ROBO2: variants seen among roughly 807,000 people sequenced by gnomAD.
ROBO2 encodes roundabout guidance receptor 2.
In ROBO2, 53 loss-of-function variants were observed where a neutral mutation model predicts 160.8. The ratio of observed to expected loss-of-function variants is 0.33; its 90% confidence interval spans 0.26 to 0.41. The LOEUF (loss-of-function observed/expected upper bound fraction) is 0.41. Among genes scored for constraint, ROBO2 ranks in the 10% least tolerant of loss-of-function variants. The pLI, the probability that ROBO2 is intolerant of heterozygous loss-of-function variation, is 1.00. For synonymous variants in ROBO2, 664 were observed against 611.7 expected (o/e 1.09, Z -1.26); for missense variants, 1,577 against 1,722.4 (o/e 0.92, Z 1.49).
At chr3:76,564,146 C>T (rs1022136479) in intron 2 of ROBO2, among the ~76,000 whole-genome samples, 2 of 152,198 alleles carry the variant, frequency 1.3e-5, no homozygotes, top group African/African-American at 4.8e-5. Context: ...GCGGAAGTTG[C>T]AGTAAGCCGA....
At chr3:76,930,067 G>C (rs1163222439) in intron 2 of ROBO2, among the ~76,000 whole-genome samples, 2 of 151,724 alleles carry the variant, frequency 1.3e-5, no homozygotes. Context: ...TCTGTCACCC[G>C]GGCTGGAGTG....
intron 2 of ROBO2, among the ~76,000 whole-genome samples, chr3:75,999,973 A>G (rs1298036946): frequency 6.6e-6 from 1 of 152,196 alleles, no homozygotes. Context: ...ATTCTTTAAT[A>G]AAAGAAATAT....
chr3:77,068,929 G>T (rs2149820202), intron 1 of ROBO2, among the ~76,000 whole-genome samples: 1 of 152,196 alleles, frequency 6.6e-6, no homozygotes, highest in Non-Finnish European at 1.5e-5. Context: ...ATCAGGAGTA[G>T]AATGCTATTT....
intron 2 of ROBO2, among the ~76,000 whole-genome samples, chr3:76,676,990 C>T (rs1415859948): frequency 6.6e-6 from 1 of 152,104 alleles, no homozygotes; most frequent in Non-Finnish European, 1.5e-5. Context: ...TTTAATAAAA[C>T]TCTAATGTTC....
chr3:77,292,674 C>T (rs1397935234), intron 2 of ROBO2, among the ~76,000 whole-genome samples: 16 of 144,462 alleles, frequency 1.1e-4, no homozygotes, highest in South Asian at 6.7e-4. Context: ...GTAAAATTGA[C>T]GGTTAAACGG....
intron 2 of ROBO2, among the ~76,000 whole-genome samples, chr3:77,447,752 A>T (rs1320370472): frequency 6.6e-6 from 1 of 152,162 alleles, no homozygotes; most frequent in Non-Finnish European, 1.5e-5. Flanking sequence ...CTAATTAAAA[A>T]GTTCTAGTGC....
intron 2 of ROBO2, among the ~76,000 whole-genome samples, chr3:75,940,029 T>C (rs1000758004): frequency 2.1e-4 from 32 of 152,170 alleles, no homozygotes; most frequent in Non-Finnish European, 3.8e-4. Flanking sequence ...GCAAATGTTA[T>C]AAGATTATTT....
chr3:77,044,637 G>T (rs1340282903), intron 1 of ROBO2, among the ~76,000 whole-genome samples: 1 of 151,946 alleles, frequency 6.6e-6, no homozygotes, highest in East Asian at 1.9e-4. Flanking sequence ...TGATAATTTA[G>T]AAAATCTGCA....
In ROBO2 at chr3:77,217,964, A is replaced by G. The variant is rs575631943; in HGVS notation, c.388+119624A>G. On this transcript the variant is annotated intron_variant, in intron 2 of 25. Coordinates refer to ENST00000461745, the Ensembl canonical transcript of ROBO2. The stretch of plus-strand genomic sequence containing the variant: ...ATCTCATTATTTTGAAATTATTTAT[A>G]TGTTTCCCAGTTTGGATACATTGTC... Among the ~76,000 whole-genome samples the G allele has an allele frequency of 5.9e-5, 9 of 152,350 alleles. No individual in the cohort carries two copies. In the South Asian group the frequency reaches 1.7e-3, roughly 28 times the overall value.
intron 2 of ROBO2, among the ~76,000 whole-genome samples, chr3:76,690,235 G>A (rs1231324662): frequency 6.6e-6 from 1 of 152,228 alleles, no homozygotes; most frequent in Non-Finnish European, 1.5e-5. Context: ...TGGAGTATCT[G>A]TGGAGCCATA....
intron 2 of ROBO2, among the ~76,000 whole-genome samples, chr3:77,351,099 C>T (rs1271194795): frequency 2.0e-5 from 3 of 152,086 alleles, no homozygotes; most frequent in Non-Finnish European, 4.4e-5. Context: ...AGCTTCCTTC[C>T]TTCCTATTTG....
chr3:76,971,161 A>G (rs1284534761), intron 2 of ROBO2, among the ~76,000 whole-genome samples: 1 of 152,196 alleles, frequency 6.6e-6, no homozygotes, highest in Admixed American at 6.5e-5. Flanking sequence ...CATTTGAGAA[A>G]TATGTTATAA....
intron 2 of ROBO2, among the ~76,000 whole-genome samples, chr3:76,807,758 T>A (rs1479238698): frequency 6.6e-6 from 1 of 152,084 alleles, no homozygotes; most frequent in East Asian, 1.9e-4. Context: ...TGAAAGGGCA[T>A]CAGTTATATG....
chr3:77,548,772 T>C (rs2092799728), intron 7 of ROBO2, among the ~76,000 whole-genome samples: 1 of 150,432 alleles, frequency 6.6e-6, no homozygotes, highest in South Asian at 2.1e-4. Context: ...GAGGTAGAGA[T>C]AGAGAGGGAT....
At chr3:76,005,405 G>A (rs914911154) in intron 2 of ROBO2, among the ~76,000 whole-genome samples, 15 of 152,146 alleles carry the variant, frequency 9.9e-5, no homozygotes, top group African/African-American at 3.6e-4. Context: ...AGTAGGAACT[G>A]AAGATTCCTA....
rs34156915 is a variant in ROBO2 at position 76,304,739 on chromosome 3, T to TTCCTTCC, written c.109+367138_109+367139insCCTTCCT. Among the ~76,000 whole-genome samples, 720 of 83,246 alleles carry TTCCTTCC rather than the reference T, an allele frequency of 8.6e-3. 5 individuals are homozygous for TTCCTTCC. The highest frequency in any genetic ancestry group is 0.013 in the Non-Finnish European group (499 of 37,542). The allele number at this position is 83,246 out of a possible 152,430, so 54.6% of individuals were successfully genotyped here. A position where few individuals can be genotyped will look rare whatever the true frequency, so the allele number is the denominator to read the frequency against. ...CTCTTTCTTTCTTTCTTTCTTTTCT[T>TTCCTTCC]TTCTTTCCTTCTTTCTTTCTTTCTT... On this transcript the variant is annotated intron_variant, in intron 2 of 26. Coordinates refer to the ROBO2 transcript ENST00000487694.
chr3:76,387,578 C>T (rs2076953304), intron 2 of ROBO2, among the ~76,000 whole-genome samples: 1 of 152,098 alleles, frequency 6.6e-6, no homozygotes, highest in South Asian at 2.1e-4. Flanking sequence ...AGATATGGCA[C>T]TAATTAATTA....
At chr3:77,370,548 T>C (rs745999386) in intron 2 of ROBO2, among the ~76,000 whole-genome samples, 13 of 152,208 alleles carry the variant, frequency 8.5e-5, no homozygotes, top group Non-Finnish European at 1.8e-4. Context: ...GGTTATCCAG[T>C]GGGCTGATTC....
intron 2 of ROBO2, among the ~76,000 whole-genome samples, chr3:76,390,754 A>C (rs9838268): frequency 0.062 from 9,497 of 152,148 alleles, 842 homozygotes; most frequent in African/African-American, 0.2. Context: ...TATTCTTTTG[A>C]GAAAATGTTG....
Sources: allele counts gnomAD v4.1 joint callset (sites outside exome capture counted in the v4.1 genomes callset), GRCh38; gene constraint gnomAD v4.1.1; transcripts MANE v1.5; gene names NCBI Gene and HGNC (gene_info 2026-07-23, HGNC 2026-07-21).